Variants in GABRB3 observed in about 807,000 individuals in gnomAD.
GABRB3 encodes gamma-aminobutyric acid receptor subunit beta-3.
In GABRB3, 14 loss-of-function variants were observed where a neutral mutation model predicts 52.1. The ratio of observed to expected loss-of-function variants is 0.27; its 90% CI spans 0.18 to 0.42. GABRB3 has a LOEUF of 0.42. Among genes scored for constraint, GABRB3 ranks in the 10% least tolerant of loss-of-function variants. The pLI is 1.00. For missense variants in GABRB3, 307 were observed against 609.1 expected (o/e 0.50, Z 5.22); for synonymous variants, 260 against 232.3 (o/e 1.12, Z -1.08).
chr15:26,618,755 T>C (rs1196546575), intron 4 of GABRB3, among the ~76,000 whole-genome samples: 3 of 151,960 alleles, frequency 2.0e-5, no homozygotes, highest in Admixed American at 6.6e-5. Flanking sequence ...AGAAAATTTT[T>C]GCAACCTACT....
intron 4 of GABRB3, among the ~76,000 whole-genome samples, chr15:26,587,487 G>A (rs1258442610): frequency 6.6e-6 from 1 of 152,172 alleles, no homozygotes; most frequent in African/African-American, 2.4e-5. Context: ...GCAGGAGCAT[G>A]CCCCTCCCTA....
At chr15:26,742,601 A>G (rs1458691398) in intron 3 of GABRB3, among the ~76,000 whole-genome samples, 1 of 152,310 alleles carries the variant, frequency 6.6e-6, no homozygotes, top group South Asian at 2.1e-4. Flanking sequence ...CACCATCTTT[A>G]TTACCTGTCT....
chr15:26,676,708 A>T (rs1424028412), intron 3 of GABRB3, among the ~76,000 whole-genome samples: 1 of 152,238 alleles, frequency 6.6e-6, no homozygotes, highest in African/African-American at 2.4e-5. Context: ...CAGGCTTAAA[A>T]TAGATCAGTC....
At chr15:26,615,985 A>G (rs1892241892) in intron 4 of GABRB3, 2 of 1,289,210 alleles carry the variant, frequency 1.6e-6, no homozygotes, top group Non-Finnish European at 2.0e-6. Flanking sequence ...AGCTCTCTGC[A>G]AACCTTCCAC....
chr15:26,772,846 C>A, intron 1 of GABRB3, 37 bp downstream of exon 1: 1 of 1,454,248 alleles, frequency 6.9e-7, no homozygotes, highest in Non-Finnish European at 9.1e-7. Flanking sequence ...GCACCCCGCG[C>A]CCTGCCCGCC....
chr15:26,550,881 A>C (rs1889437298), intron 8 of GABRB3, among the ~76,000 whole-genome samples: 1 of 152,248 alleles, frequency 6.6e-6, no homozygotes. Context: ...AATCTGTTAC[A>C]GTGGCAATCA....
intron 3 of GABRB3, among the ~76,000 whole-genome samples, chr15:26,623,614 T>C (rs1006370659): frequency 6.6e-6 from 1 of 152,180 alleles, no homozygotes; most frequent in African/African-American, 2.4e-5. Context: ...TCATAGAGCA[T>C]AGATTTCAGC....
intron 6 of GABRB3, among the ~76,000 whole-genome samples, chr15:26,578,495 G>A (rs1485203414): frequency 6.6e-6 from 1 of 152,202 alleles, no homozygotes; most frequent in African/African-American, 2.4e-5. Context: ...ACCACATACA[G>A]ACTGAAAAGA....
intron 4 of GABRB3, among the ~76,000 whole-genome samples, chr15:26,596,693 A>AC (rs763868336): frequency 6.6e-6 from 1 of 152,304 alleles, no homozygotes; most frequent in Admixed American, 6.5e-5. Context: ...GTTAGGACAA[A>AC]ACACACAAAA....
rs533243965 is a variant in GABRB3, at chr15:26,637,224, C to T, written c.241-15690G>A. 7.2e-5 allele frequency among the ~76,000 whole-genome samples: 11 copies of T among 152,268 alleles called. No homozygotes were observed. In the South Asian group the frequency reaches 1.2e-3, roughly 17 times the overall value. ...CCCAGGCATCCTTCCACTTTGCATT[C>T]GCTGTTCCTTCTGCCTTGAACTCTC... is the stretch of plus-strand genomic sequence containing the variant. On this transcript the variant is annotated intron_variant, in intron 3 of 8. Coordinates refer to ENST00000311550, the MANE Select transcript of GABRB3 (RefSeq NM_000814.6).
intron 3 of GABRB3, 24 bp downstream of exon 3, chr15:26,772,378 C>G: frequency 6.3e-7 from 1 of 1,596,626 alleles, no homozygotes; most frequent in African/African-American, 1.3e-5. Context: ...GCTCAGGGAC[C>G]GCCCTGGGAG....
chr15:26,595,986 T>C (rs1030659707), intron 4 of GABRB3, among the ~76,000 whole-genome samples: 3 of 152,146 alleles, frequency 2.0e-5, no homozygotes, highest in African/African-American at 7.2e-5. Context: ...TCATTAAATG[T>C]GTCTTTCTAA....
intron 3 of GABRB3, among the ~76,000 whole-genome samples, chr15:26,713,625 A>T (rs549596546): frequency 1.3e-5 from 2 of 152,308 alleles, no homozygotes; most frequent in South Asian, 4.1e-4. Context: ...GGAAGAATGA[A>T]TGCCATGGAC....
Position 26,554,207 on chromosome 15 carries a change from A to ATATATATATATTTATTTATT in GABRB3, c.1081-6074_1081-6073insAATAAATAAATATATATATA, listed in dbSNP as rs1348288306. Among the ~76,000 whole-genome samples, 53 of 57,822 alleles carry ATATATATATATTTATTTATT rather than the reference A, an allele frequency of 9.2e-4. 1 individual carries two copies. The highest frequency in any genetic ancestry group is 1.5e-3 in the Non-Finnish European group (36 of 24,136). The allele number at this position is 57,822 out of a possible 152,430, so 37.9% of individuals were successfully genotyped here. ...ATATATATACTATATATATATATATATAGTAGAAACAAGGTCTCTCTTTGT... is the reference window on the plus strand; with the variant it reads ...ATATATATACTATATATATATATATATATATATATATTTATTTATTTAGTAGAAACAAGGTCTCTCTTTGT... On this transcript the variant is annotated intron_variant, in intron 8 of 8. Coordinates refer to ENST00000311550, the MANE Select transcript of GABRB3 (RefSeq NM_000814.6).
chr15:26,767,056 GCTTT>G (rs1210524630), intron 3 of GABRB3: 1 of 152,146 alleles, frequency 6.6e-6, no homozygotes, highest in Non-Finnish European at 1.5e-5. Context: ...TTCATTATAT[GCTTT>G]CTTATCAGTG....
intron 4 of GABRB3, among the ~76,000 whole-genome samples, chr15:26,610,632 T>C (rs568494344): frequency 6.6e-6 from 1 of 152,290 alleles, no homozygotes; most frequent in African/African-American, 2.4e-5. Context: ...GATGGAGTTA[T>C]GTGATGATCT....
chr15:26,624,274 G>A lies in GABRB3; in HGVS notation c.241-2740C>T, dbSNP rs1422050642. 1.6e-5 allele frequency: 16 copies of A among 985,752 alleles called. No homozygotes were observed. In the East Asian group the frequency reaches 1.1e-3, roughly 70 times the overall value. The allele number at this position is 985,752 out of a possible 1,614,324, so 61.1% of individuals were successfully genotyped here. A position where few individuals can be genotyped will look rare whatever the true frequency, so the allele number is the denominator to read the frequency against. ...AAGTTGTGGTTTCACAACAAAAGGA[G>A]GATGTGTTAGTGGTGGCGACCACAG... On this transcript the variant is annotated intron_variant, in intron 3 of 8. Transcript: ENST00000311550.
At chr15:26,720,912 T>A (rs550409311) in intron 3 of GABRB3, among the ~76,000 whole-genome samples, 1 of 152,016 alleles carries the variant, frequency 6.6e-6, no homozygotes, top group Non-Finnish European at 1.5e-5. Context: ...GTTAAAAAAA[T>A]GTTAATATTA....
At position 26,621,643 on chromosome 15, in the gene GABRB3, A is replaced by T. The variant is rs893611418; in HGVS notation, c.241-109T>A. On this transcript the variant is annotated intron_variant, in intron 3 of 8. Transcript: ENST00000311550. The surrounding 1 kb of genome is among the most constrained non-coding windows in gnomAD (Gnocchi z 4.1). ...AATCTAGGCTCTACAGTGAATAACC[A>T]GGAGAAACGGATGCCATTTTTATGC... The T allele has an allele frequency of 1.4e-5, 11 of 800,146 alleles. No individual in the cohort carries two copies. Among genetic ancestry groups the T allele is most frequent in the African/African-American group, 3.4e-5 (2 of 58,096 alleles). 49.6% of individuals were successfully genotyped at this position (800,146 alleles called of 1,614,324 possible).
Sources: allele counts gnomAD v4.1 joint callset (sites outside exome capture counted in the v4.1 genomes callset), GRCh38; gene constraint gnomAD v4.1.1; non-coding constraint Gnocchi (gnomAD v3.1); transcripts MANE v1.5; gene names NCBI Gene and HGNC (gene_info 2026-07-23, HGNC 2026-07-21).